Variants in RMST observed in about 807,000 individuals in gnomAD.
The protein encoded by RMST is long intergenic non-protein coding RNA 54.
chr12:97,472,584 C>T (rs1186355651), intron 5 of RMST, among the ~76,000 whole-genome samples: 1 of 152,094 alleles, frequency 6.6e-6, no homozygotes, highest in East Asian at 1.9e-4. Context: ...TATTTATAAA[C>T]ACTTTAAACT....
intron 10 of RMST, among the ~76,000 whole-genome samples, chr12:97,508,871 C>T (rs1023122725): frequency 1.3e-5 from 2 of 152,180 alleles, no homozygotes; most frequent in African/African-American, 2.4e-5. Context: ...AACATTGCTT[C>T]TGCTTTTTAC....
At chr12:97,556,156 T>C (rs1407036377) in intron 11 of RMST, among the ~76,000 whole-genome samples, 1 of 152,208 alleles carries the variant, frequency 6.6e-6, no homozygotes, top group East Asian at 1.9e-4. Context: ...CATCCCATCT[T>C]ACATCTCAGT....
chr12:97,551,353 G>T (rs1180133534), intron 11 of RMST, among the ~76,000 whole-genome samples: 1 of 152,078 alleles, frequency 6.6e-6, no homozygotes. Flanking sequence ...CCTGGTAGTG[G>T]CTCATAGGAG....
chr12:97,497,476 T>C (rs1232432399), intron 10 of RMST, among the ~76,000 whole-genome samples: 2 of 152,194 alleles, frequency 1.3e-5, no homozygotes, highest in African/African-American at 2.4e-5. Flanking sequence ...TCTGTTTAAG[T>C]ATAGCAGCAT....
chr12:97,514,987 C>CA (rs1879786602), intron 10 of RMST, among the ~76,000 whole-genome samples: 1 of 152,048 alleles, frequency 6.6e-6, no homozygotes, highest in Non-Finnish European at 1.5e-5. Context: ...AGTTAATACT[C>CA]ACTGTTTTCA....
intron 9 of RMST, among the ~76,000 whole-genome samples, chr12:97,495,198 G>A (rs1347236995): frequency 1.3e-5 from 2 of 151,336 alleles, no homozygotes; most frequent in Non-Finnish European, 2.9e-5. Context: ...CGCTGGGAAA[G>A]GCATGCTATT....
intron 11 of RMST, among the ~76,000 whole-genome samples, chr12:97,549,312 C>T (rs745822318): frequency 2.3e-4 from 35 of 152,188 alleles, no homozygotes; most frequent in Non-Finnish European, 4.3e-4. Flanking sequence ...ATTCATCAAA[C>T]AGAATCTTTT....
chr12:97,491,172 T>C (rs1876758556), intron 5 of RMST, among the ~76,000 whole-genome samples: 1 of 152,098 alleles, frequency 6.6e-6, no homozygotes, highest in Non-Finnish European at 1.5e-5. Context: ...GTAAGACAGG[T>C]TTTATTCCTC....
At chr12:97,512,067 C>T (rs11109078) in intron 10 of RMST, among the ~76,000 whole-genome samples, 24,698 of 152,030 alleles carry the variant, frequency 0.16, 3,717 homozygotes, top group African/African-American at 0.39. Context: ...CAGATGTGTT[C>T]GGAGTTTCTT....
chr12:97,504,402 T>TAA (rs754529152), intron 10 of RMST, among the ~76,000 whole-genome samples: 3 of 125,256 alleles, frequency 2.4e-5, no homozygotes, highest in African/African-American at 3.1e-5. Flanking sequence ...AGACTTCATT[T>TAA]CAAAAAAAAA....
chr12:97,500,705 CAG>C (rs1269276500), intron 10 of RMST, among the ~76,000 whole-genome samples: 2 of 152,166 alleles, frequency 1.3e-5, no homozygotes, highest in African/African-American at 4.8e-5. Context: ...CATTGGGACA[CAG>C]AGTGTTTAAA....
chr12:97,551,385 T>C (rs1247756959), intron 11 of RMST, among the ~76,000 whole-genome samples: 3 of 152,142 alleles, frequency 2.0e-5, no homozygotes, highest in Admixed American at 2.0e-4. Context: ...AAATACTTAT[T>C]TGCCTGCTAA....
chr12:97,523,714 A>G (rs1880747321), intron 10 of RMST, among the ~76,000 whole-genome samples: 1 of 152,178 alleles, frequency 6.6e-6, no homozygotes, highest in Non-Finnish European at 1.5e-5. Context: ...CACAGCTTGC[A>G]TCTTATCTCA....
chr12:97,507,125 C>A (rs1878770595), intron 10 of RMST, among the ~76,000 whole-genome samples: 2 of 151,908 alleles, frequency 1.3e-5, no homozygotes, highest in South Asian at 4.2e-4. Flanking sequence ...GTGATGAGAC[C>A]AGGTGGTGAT....
At chr12:97,482,303 G>A (rs957782752) in intron 5 of RMST, among the ~76,000 whole-genome samples, 6 of 152,082 alleles carry the variant, frequency 3.9e-5, no homozygotes, top group African/African-American at 1.2e-4. Flanking sequence ...GTGGTAGCTC[G>A]AAAGCAGCCA....
At chr12:97,557,780 G>A (rs1592804821) in intron 11 of RMST, among the ~76,000 whole-genome samples, 1 of 152,074 alleles carries the variant, frequency 6.6e-6, no homozygotes, top group African/African-American at 2.4e-5. Context: ...CAGGTAGAGA[G>A]GCACAAAGGG....
At chr12:97,545,521 T>C (rs750920184) in intron 11 of RMST, among the ~76,000 whole-genome samples, 12 of 152,094 alleles carry the variant, frequency 7.9e-5, no homozygotes, top group Non-Finnish European at 1.5e-4. Flanking sequence ...TAATCAGTCA[T>C]TGAGCTTGAC....
intron 13 of RMST, chr12:97,564,009 G>T: frequency 2.7e-6 from 1 of 371,948 alleles, no homozygotes; most frequent in Non-Finnish European, 5.6e-6. Context: ...TACCTGCCTG[G>T]TGTTCCTTTG....
chr12:97,552,099 G>A (rs930742685), intron 11 of RMST: 3 of 152,078 alleles, frequency 2.0e-5, no homozygotes, highest in Non-Finnish European at 2.9e-5. Context: ...TACCTGCTTC[G>A]ATTGCTGTAA....
Sources: allele counts gnomAD v4.1 joint callset (sites outside exome capture counted in the v4.1 genomes callset), GRCh38; gene constraint gnomAD v4.1.1; transcripts MANE v1.5; gene names NCBI Gene and HGNC (gene_info 2026-07-23, HGNC 2026-07-21).